The following MGAT1 variants were observed in gnomAD, a reference collection of about 807,000 sequenced individuals.
The protein encoded by MGAT1 is alpha-1,3-mannosyl-glycoprotein 2-beta-N-acetylglucosaminyltransferase, also known as N-glycosyl-oligosaccharide-glycoprotein N-acetylglucosaminyltransferase I.
In MGAT1, 14 loss-of-function variants were observed where a neutral mutation model predicts 31.7. That is an observed-to-expected ratio of 0.44 (90% confidence interval 0.29 to 0.69). MGAT1 has a LOEUF of 0.69. Ranked by LOEUF, MGAT1 falls within the 30% of genes least tolerant of loss-of-function variation. The pLI is 0.12. For synonymous variants in MGAT1, 338 were observed against 276.0 expected (o/e 1.22, Z -2.23); for missense variants, 557 against 626.0 (o/e 0.89, Z 1.18).
chr5:180,807,626 C>G (rs1334935477), upstream of MGAT1, among the ~76,000 whole-genome samples: 1 of 152,234 alleles, frequency 6.6e-6, no homozygotes, highest in Non-Finnish European at 1.5e-5. Flanking sequence ...CTTCCACCCC[C>G]TCTTTAATCA....
chr5:180,810,447 A>C (rs551276298), intron 1 of MGAT1: 1 of 152,762 alleles, frequency 6.5e-6, no homozygotes, highest in Admixed American at 6.5e-5. Flanking sequence ...GGGGAGGGGC[A>C]GAAGAGACTG....
chr5:180,812,325 A>AT (rs1417664550), intron 1 of MGAT1, among the ~76,000 whole-genome samples: 1 of 152,168 alleles, frequency 6.6e-6, no homozygotes, highest in Non-Finnish European at 1.5e-5. Flanking sequence ...CAGTATACAG[A>AT]TTTTGCATTA....
upstream of MGAT1, among the ~76,000 whole-genome samples, chr5:180,805,790 TG>T (rs994811005): frequency 1.3e-5 from 2 of 152,036 alleles, no homozygotes; most frequent in Non-Finnish European, 2.9e-5. Context: ...ATCAGTGTTT[TG>T]TTTCCCTTCT....
At chr5:180,810,065 C>A (rs1202008652) in intron 1 of MGAT1, 5 of 148,850 alleles carry the variant, frequency 3.4e-5, no homozygotes, top group Non-Finnish European at 7.4e-5. Context: ...CCCGTCTCGG[C>A]TAGGAGCCGC....
Position 180,787,356 on chromosome 5 carries a change from G to A in MGAT1, c.*4278C>T, listed in dbSNP as rs936730471. 6.6e-6 allele frequency: 1 copy of A among 152,248 alleles called. No homozygotes were observed. Among genetic ancestry groups the A allele is most frequent in the Admixed American group, 6.5e-5 (1 of 15,286 alleles). The allele number at this position is 152,248 out of a possible 1,614,324, so 9.4% of individuals were successfully genotyped here. A position where few individuals can be genotyped will look rare whatever the true frequency, so the allele number is the denominator to read the frequency against. ...AACAGATGGAGGCTGAAGGACCTCT[G>A]GTGGCAAAACACTGACCTCTACAGA... On this transcript the variant is annotated 3_prime_UTR_variant, in exon 2 of 2. Transcript: ENST00000307826.
intron 1 of MGAT1, among the ~76,000 whole-genome samples, chr5:180,811,712 G>T (rs1462301476): frequency 6.6e-6 from 1 of 151,452 alleles, no homozygotes; most frequent in East Asian, 1.9e-4. Flanking sequence ...CAGGGATCCT[G>T]TCGTTTCTGT....
upstream of MGAT1, chr5:180,802,943 C>T (rs1221564200): frequency 6.6e-6 from 1 of 151,532 alleles, no homozygotes; most frequent in Non-Finnish European, 1.5e-5. Flanking sequence ...AGGCCCCCTC[C>T]TCCTGGCCCG....
intron 1 of MGAT1, among the ~76,000 whole-genome samples, chr5:180,798,876 T>C (rs943055521): frequency 6.6e-6 from 1 of 152,206 alleles, no homozygotes; most frequent in Non-Finnish European, 1.5e-5. Context: ...AATTCTGAAA[T>C]ACATCTAGGA....
upstream of MGAT1, among the ~76,000 whole-genome samples, chr5:180,806,964 G>A (rs937469299): frequency 6.6e-6 from 1 of 152,218 alleles, no homozygotes; most frequent in Non-Finnish European, 1.5e-5. Flanking sequence ...TAAAGGAGCA[G>A]CCTGGCCTCA....
chr5:180,804,765 G>C (rs375724373), upstream of MGAT1, among the ~76,000 whole-genome samples: 1 of 152,200 alleles, frequency 6.6e-6, no homozygotes. Context: ...CAGACATCAG[G>C]GGGTGCTGAA....
intron 1 of MGAT1, among the ~76,000 whole-genome samples, chr5:180,797,833 G>T: frequency 6.6e-6 from 1 of 152,088 alleles, no homozygotes; most frequent in African/African-American, 2.4e-5. Context: ...CCTAGTTCCA[G>T]CCCACCTCCT....
chr5:180,801,180 C>A (rs1770686899), intron 1 of MGAT1, among the ~76,000 whole-genome samples: 2 of 152,216 alleles, frequency 1.3e-5, no homozygotes, highest in Admixed American at 1.3e-4. Context: ...ATGGTGTTCT[C>A]CAGCCTATTT....
chr5:180,798,447 AGCAACAAGC>A (rs1353407271), intron 1 of MGAT1, among the ~76,000 whole-genome samples: 1 of 152,146 alleles, frequency 6.6e-6, no homozygotes, highest in Non-Finnish European at 1.5e-5. Flanking sequence ...CTTCACCAAC[AGCAACAAGC>A]GCAACCACTT....
At position 180,786,930 on chromosome 5, in the gene MGAT1, C is replaced by G. The variant is rs983319114; in HGVS notation, c.*4704G>C. 1 of 152,398 alleles carries G rather than the reference C, an allele frequency of 6.6e-6. No individual in the cohort carries two copies. Among genetic ancestry groups the G allele is most frequent in the African/African-American group, 2.4e-5 (1 of 41,468 alleles). The allele number at this position is 152,398 out of a possible 1,614,324, so 9.4% of individuals were successfully genotyped here. A position where few individuals can be genotyped will look rare whatever the true frequency, so the allele number is the denominator to read the frequency against. On this transcript the variant is annotated 3_prime_UTR_variant, in exon 2 of 2. Coordinates refer to ENST00000307826, the MANE Select transcript of MGAT1 (RefSeq NM_002406.4). ...CAGTGGGGGAAAGTAACAGCCTTGG[C>G]ACTACCCGGCCCCCTTTCTATCAAC... is the stretch of plus-strand genomic sequence containing the variant.
intron 1 of MGAT1, among the ~76,000 whole-genome samples, chr5:180,794,245 A>G (rs1013223275): frequency 2.0e-5 from 3 of 149,610 alleles, no homozygotes; most frequent in Non-Finnish European, 3.0e-5. Flanking sequence ...AAAAAAAAAA[A>G]GCTGGGCATG....
Position 180,785,669 on chromosome 5 carries a change from G to C in MGAT1, c.*5965C>G, listed in dbSNP as rs1458632034. 6.6e-6 allele frequency: 1 copy of C among 152,378 alleles called. No homozygotes were observed. The highest frequency in any genetic ancestry group is 1.5e-5 in the Non-Finnish European group (1 of 68,132). The allele number at this position is 152,378 out of a possible 1,614,324, so 9.4% of individuals were successfully genotyped here. ...GCCACACAGCCCCATTCCGCTGCCAGCGTCCTGCAGGCCCCTCCTCAGGGA... is the reference window on the plus strand; with the variant it reads ...GCCACACAGCCCCATTCCGCTGCCACCGTCCTGCAGGCCCCTCCTCAGGGA... On this transcript the variant is annotated 3_prime_UTR_variant, in exon 2 of 2. Coordinates refer to ENST00000307826, the MANE Select transcript of MGAT1 (RefSeq NM_002406.4).
chr5:180,801,379 G>C (rs1770730052), intron 1 of MGAT1, among the ~76,000 whole-genome samples: 1 of 152,090 alleles, frequency 6.6e-6, no homozygotes, highest in Non-Finnish European at 1.5e-5. Context: ...AAAAATTCCA[G>C]AAAATATAGA....
intron 1 of MGAT1, among the ~76,000 whole-genome samples, chr5:180,812,585 CAT>C (rs1375822682): frequency 2.0e-5 from 3 of 152,106 alleles, no homozygotes; most frequent in South Asian, 2.1e-4. Flanking sequence ...CACACACACA[CAT>C]ACATAACAGG....
intron 1 of MGAT1, among the ~76,000 whole-genome samples, chr5:180,812,256 G>C (rs546286923): frequency 6.6e-6 from 1 of 152,192 alleles, no homozygotes; most frequent in African/African-American, 2.4e-5. Context: ...TACTTTCACC[G>C]CAGAGTATTC....
Sources: gnomAD v4.1 joint callset for allele counts (sites outside exome capture counted in the v4.1 genomes callset) on GRCh38, gnomAD v4.1.1 for gene constraint, MANE v1.5 for transcripts, NCBI Gene and HGNC (gene_info 2026-07-23, HGNC 2026-07-21) for gene names.